Variants in PTPRE observed in about 807,000 individuals in gnomAD.
PTPRE encodes the protein receptor-type tyrosine-protein phosphatase epsilon.
In PTPRE, 51 loss-of-function variants were observed where a neutral mutation model predicts 102.0. The ratio of observed to expected loss-of-function variants is 0.50; its 90% CI spans 0.40 to 0.63. The LOEUF is 0.63. Among genes scored for constraint, PTPRE ranks in the 30% least tolerant of loss-of-function variants. The pLI, the probability that PTPRE is intolerant of heterozygous loss-of-function variation, is 0.00. For missense variants in PTPRE, 752 were observed against 915.1 expected, an observed-to-expected ratio of 0.82 and a Z score of 2.30; for synonymous variants, 345 against 348.2, an observed-to-expected ratio of 0.99 and a Z score of 0.10.
intron 2 of PTPRE, among the ~76,000 whole-genome samples, chr10:127,986,023 G>T (rs547943426): frequency 2.0e-5 from 3 of 152,066 alleles, no homozygotes; most frequent in Admixed American, 1.3e-4. Flanking sequence ...CCTTGGAGGC[G>T]GAGGTTGCAG....
At chr10:127,958,544 C>A (rs1383156607) in intron 1 of PTPRE, among the ~76,000 whole-genome samples, 1 of 152,058 alleles carries the variant, frequency 6.6e-6, no homozygotes, top group Non-Finnish European at 1.5e-5. Context: ...GGGATAAATC[C>A]CACTTGGTTA....
At chr10:128,018,844 A>G (rs72847341) in intron 2 of PTPRE, among the ~76,000 whole-genome samples, 27,674 of 151,718 alleles carry the variant, frequency 0.18, 2,906 homozygotes, top group Non-Finnish European at 0.23. Flanking sequence ...CATCTCTCAC[A>G]CTCTCTGCAT....
At chr10:128,011,908 T>C (rs2135620824) in intron 2 of PTPRE, among the ~76,000 whole-genome samples, 1 of 152,316 alleles carries the variant, frequency 6.6e-6, no homozygotes, top group African/African-American at 2.4e-5. Flanking sequence ...AGTCCACCTG[T>C]GTCCTCACCC....
intron 1 of PTPRE, among the ~76,000 whole-genome samples, chr10:127,913,312 T>G (rs1845992959): frequency 6.6e-6 from 1 of 152,234 alleles, no homozygotes; most frequent in Non-Finnish European, 1.5e-5. Context: ...TTAATTCCTA[T>G]TCAATAAATG....
chr10:127,920,107 G>C (rs1330993433), intron 1 of PTPRE, among the ~76,000 whole-genome samples: 1 of 152,198 alleles, frequency 6.6e-6, no homozygotes, highest in Non-Finnish European at 1.5e-5. Flanking sequence ...TTTGTGGCTA[G>C]AATGATGTTG....
chr10:128,034,520 C>G (rs935547063), intron 2 of PTPRE, among the ~76,000 whole-genome samples: 1 of 151,666 alleles, frequency 6.6e-6, no homozygotes, highest in Admixed American at 6.6e-5. Context: ...TGAGACCCCC[C>G]CCATCTTTAC....
chr10:128,019,305 G>T (rs1207384481), intron 2 of PTPRE, among the ~76,000 whole-genome samples: 1 of 152,242 alleles, frequency 6.6e-6, no homozygotes, highest in Non-Finnish European at 1.5e-5. Flanking sequence ...CGCCTCATAA[G>T]GTTGTGAGGA....
In PTPRE at chr10:127,998,471, CT is replaced by C. The variant is rs1258290973; in HGVS notation, c.-8+16178del. 6 of 152,234 alleles carry C rather than the reference CT, an allele frequency of 3.9e-5. No homozygotes were observed. In the East Asian group the frequency reaches 1.2e-3, roughly 29 times the overall value. 9.4% of individuals were successfully genotyped at this position (152,234 alleles called of 1,614,324 possible). ...CTTTCCATTTCTGTCTGGATTTTTTCTTTATGGGAGGCAGAAATAATAGTGA... is the reference window on the plus strand; with the variant it reads ...CTTTCCATTTCTGTCTGGATTTTTTCTTATGGGAGGCAGAAATAATAGTGA... On this transcript the variant is annotated intron_variant, in intron 2 of 20. Transcript: ENST00000254667.
chr10:128,068,405 A>C (rs889540992), intron 12 of PTPRE, 119 bp downstream of exon 12: 2 of 1,168,792 alleles, frequency 1.7e-6, no homozygotes, highest in South Asian at 3.2e-5. Context: ...GGCAGGGCTG[A>C]TGTGAACACA....
At chr10:127,917,421 C>A (rs888414521) in intron 1 of PTPRE, among the ~76,000 whole-genome samples, 2 of 152,118 alleles carry the variant, frequency 1.3e-5, no homozygotes, top group African/African-American at 2.4e-5. Flanking sequence ...GTGGCTCATG[C>A]CTGTAATCCC....
At chr10:128,061,149 A>G in intron 8 of PTPRE, 134 bp downstream of exon 8, 1 of 744,098 alleles carries the variant, frequency 1.3e-6, no homozygotes, top group South Asian at 1.7e-5. Flanking sequence ...AAGGGTACGG[A>G]ACTGCCCGTG....
At chr10:127,976,932 C>T (rs1368195008) in intron 1 of PTPRE, among the ~76,000 whole-genome samples, 2 of 152,152 alleles carry the variant, frequency 1.3e-5, no homozygotes, top group East Asian at 1.9e-4. Context: ...TGAAGTTGTC[C>T]GATAGAATGC....
At chr10:128,046,570 G>A (rs935471957) in intron 3 of PTPRE, among the ~76,000 whole-genome samples, 4 of 152,260 alleles carry the variant, frequency 2.6e-5, no homozygotes, top group East Asian at 1.9e-4. Context: ...TGGAGGTGGG[G>A]GCCTTTGAGA....
chr10:127,950,065 T>G (rs1048614231), intron 1 of PTPRE, among the ~76,000 whole-genome samples: 4 of 151,916 alleles, frequency 2.6e-5, no homozygotes, highest in African/African-American at 9.7e-5. Context: ...CTACTGTAAC[T>G]AGACTGAAGT....
chr10:127,999,915 G>T, intron 2 of PTPRE: 1 of 985,446 alleles, frequency 1.0e-6, no homozygotes, highest in Non-Finnish European at 1.2e-6. Context: ...GTGGACATGG[G>T]TCTGAACGAA....
Position 128,076,611 on chromosome 10 carries a change from C to T in PTPRE, c.1608C>T (p.Cys536=). ...TEVQEREQDK[C]YQYWPTEGSV... is the part of the protein sequence containing the mutation. The stretch of plus-strand genomic sequence containing the variant: ...TTATTTTATCCCCTAAGGATAAATG[C>T]TACCAGTATTGGCCAACCGAGGGCT... Residue 536 remains cysteine, a synonymous_variant, in exon 18 of 21, where the codon TGC becomes TGT. Coordinates refer to ENST00000254667, the MANE Select transcript of PTPRE (RefSeq NM_006504.6). 2 of 1,593,684 alleles carry T rather than the reference C, an allele frequency of 1.3e-6. No homozygotes were observed. The highest frequency in any genetic ancestry group is 1.7e-4 in the Middle Eastern group (1 of 6,018).
At chr10:127,966,873 A>C (rs1850295580) in intron 1 of PTPRE, among the ~76,000 whole-genome samples, 1 of 152,228 alleles carries the variant, frequency 6.6e-6, no homozygotes, top group Non-Finnish European at 1.5e-5. Context: ...CCATATGACC[A>C]ACACCTTGAA....
chr10:127,996,496 A>T (rs1305683887), intron 2 of PTPRE, among the ~76,000 whole-genome samples: 2 of 151,934 alleles, frequency 1.3e-5, no homozygotes, highest in Non-Finnish European at 2.9e-5. Context: ...TTACAGTAAA[A>T]CCTCCAACCT....
intron 2 of PTPRE, among the ~76,000 whole-genome samples, chr10:128,007,390 AC>A (rs2135586924): frequency 1.3e-5 from 2 of 152,344 alleles, no homozygotes; most frequent in Admixed American, 1.3e-4. Context: ...CACAAACCAC[AC>A]AGTATTAACC....
Sources: allele counts gnomAD v4.1 joint callset (sites outside exome capture counted in the v4.1 genomes callset), GRCh38; gene constraint gnomAD v4.1.1; transcripts MANE v1.5; gene names NCBI Gene and HGNC (gene_info 2026-07-23, HGNC 2026-07-21).